Variants in PRKCG observed in about 807,000 individuals in gnomAD.
PRKCG encodes the protein protein kinase C gamma.
A neutral mutation model predicts 82.0 loss-of-function variants in PRKCG; 28 were observed. That is an observed-to-expected ratio of 0.34 (90% confidence interval 0.25 to 0.47). The LOEUF (loss-of-function observed/expected upper bound fraction) is 0.47. PRKCG is among the 20% of genes least tolerant of loss of function. The pLI is 1.00. For missense variants in PRKCG, 640 were observed against 952.7 expected (o/e 0.67, Z 4.32); for synonymous variants, 383 against 376.6 (o/e 1.02, Z -0.20).
chr19:53,901,313 G>A (rs2068761452), intron 14 of PRKCG, among the ~76,000 whole-genome samples: 1 of 152,120 alleles, frequency 6.6e-6, no homozygotes, highest in Non-Finnish European at 1.5e-5. Context: ...GGAGGCTGAG[G>A]CAGGTGGATC....
chr19:53,889,697 C>T lies in PRKCG; in HGVS notation c.345C>T (p.Asp115=), dbSNP rs1426966048. ...LHSYSSPTFC[D]HCGSLLYGLV... ...GCTACAGCAGCCCCACCTTCTGCGA[C>T]CACTGTGGCTCCCTCCTCTACGGGC... The change falls in exon 4 of 18, where the codon GAC becomes GAT. Residue 115 remains aspartate, a synonymous_variant. Coordinates refer to ENST00000263431, the MANE Select transcript of PRKCG (RefSeq NM_002739.5). This position sits in a 1 kb window ranked among gnomAD's most constrained non-coding sequence, Gnocchi z 4.4. 1 of 1,614,096 alleles carries T rather than the reference C, an allele frequency of 6.2e-7. No individual in the cohort carries two copies. Among genetic ancestry groups the T allele is most frequent in the Non-Finnish European group, 8.5e-7 (1 of 1,180,040 alleles).
chr19:53,893,260 A>C lies in PRKCG; in HGVS notation c.910-102A>C, dbSNP rs1195251010. 6 of 1,383,330 alleles carry C rather than the reference A, an allele frequency of 4.3e-6. No homozygotes were observed. In the East Asian group the frequency reaches 6.8e-5, roughly 16 times the overall value. 85.7% of individuals were successfully genotyped at this position (1,383,330 alleles called of 1,614,324 possible). A position where few individuals can be genotyped will look rare whatever the true frequency, so the allele number is the denominator to read the frequency against. On this transcript the variant is annotated intron_variant, in intron 8 of 17. Coordinates refer to ENST00000263431, the MANE Select transcript of PRKCG (RefSeq NM_002739.5). ...GGGTCTGATGGGAATTATAGTTCCT[A>C]TCTATCGCCATGGCTTGAGGGTACT...
rs562461664 is a variant in PRKCG, at chr19:53,893,122, C to A, written c.909+47C>A. 3 of 1,553,826 alleles carry A rather than the reference C, an allele frequency of 1.9e-6. No individual in the cohort carries two copies. The South Asian group carries it at 3.4e-5, about 18-fold the overall frequency. On this transcript the variant is annotated intron_variant, in intron 8 of 17. Coordinates refer to ENST00000263431, the MANE Select transcript of PRKCG (RefSeq NM_002739.5). ...CAAGGGAGCCCAGCCCAGCCTCCCA[C>A]GGTTCAGAGCTGGCCTTTCCTTCCA...
intron 14 of PRKCG, among the ~76,000 whole-genome samples, chr19:53,902,810 C>T (rs1287925595): frequency 2.0e-5 from 3 of 147,150 alleles, no homozygotes; most frequent in Non-Finnish European, 4.4e-5. Context: ...AGAAGAATTA[C>T]CTGAGCCTGG....
Position 53,906,861 on chromosome 19 carries a change from G to C in PRKCG, c.2060G>C (p.Ser687Thr). The C allele has an allele frequency of 6.2e-7, 1 of 1,613,588 alleles. No individual in the cohort carries two copies. The change falls in exon 18 of 18, where the codon AGC (serine) becomes ACC (threonine). Residue 687 changes from serine to threonine, a missense_variant. Ser to Thr is a moderately conservative substitution (Grantham distance 58, BLOSUM62 1). Transcript: ENST00000263431. ...NPDFVHPDAR[S>T]PTSPVPVPVM ...GACTTCGTGCACCCGGATGCCCGCA[G>C]CCCCACCAGCCCAGTGCCTGTGCCC...
At chr19:53,896,838 T>C (rs547698975) in intron 9 of PRKCG, among the ~76,000 whole-genome samples, 22 of 152,336 alleles carry the variant, frequency 1.4e-4, no homozygotes, top group Non-Finnish European at 2.5e-4. Context: ...CACAGATAGA[T>C]GTAAATTACT....
chr19:53,898,069 C>G lies in PRKCG; in HGVS notation c.1050C>G (p.Asp350Glu). The change falls in exon 10 of 18, where the codon GAC (aspartate) becomes GAG (glutamate). Residue 350 changes from aspartate to glutamate, a missense_variant. Coordinates refer to ENST00000263431, the MANE Select transcript of PRKCG (RefSeq NM_002739.5). ...GASPGRLHIS[D>E]FSFLMVLGKG... ...GTCCAGGACGCCTGCACATCTCCGA[C>G]TTCAGCTTCCTCATGGTTCTAGGAA... 2 of 1,614,118 alleles carry G rather than the reference C, an allele frequency of 1.2e-6. No individual in the cohort carries two copies. The highest frequency in any genetic ancestry group is 1.7e-6 in the Non-Finnish European group (2 of 1,180,024).
Position 53,882,316 on chromosome 19 carries a change from C to A in PRKCG, c.-179C>A. On this transcript the variant is annotated 5_prime_UTR_variant, in exon 1 of 18. Coordinates refer to ENST00000263431, the MANE Select transcript of PRKCG (RefSeq NM_002739.5). This position sits in a 1 kb window ranked among gnomAD's most constrained non-coding sequence, Gnocchi z 6.1. ...CCCGCTCCCCCTGGCGGAGCCGGCG[C>A]GCCCGGGGTGCCGCTCCCTGCCTGG... 1 of 899,872 alleles carries A rather than the reference C, an allele frequency of 1.1e-6. No homozygotes were observed. Among genetic ancestry groups the A allele is most frequent in the Non-Finnish European group, 1.7e-6 (1 of 596,826 alleles). 55.7% of individuals were successfully genotyped at this position (899,872 alleles called of 1,614,324 possible).
Position 53,892,911 on chromosome 19 carries a change from C to T in PRKCG, c.822-77C>T. On this transcript the variant is annotated intron_variant, in intron 7 of 17. Coordinates refer to ENST00000263431, the MANE Select transcript of PRKCG (RefSeq NM_002739.5). This position sits in a 1 kb window ranked among gnomAD's most constrained non-coding sequence, Gnocchi z 5.9. Reference sequence around the variant, plus strand: ...GTGTCCGTCTCTCTGTGTCTCTTTCCTCCCTTCCAATGTCTTTGCCTCTCC... The same window carrying T: ...GTGTCCGTCTCTCTGTGTCTCTTTCTTCCCTTCCAATGTCTTTGCCTCTCC... 7.3e-7 allele frequency: 1 copy of T among 1,367,348 alleles called. No individual in the cohort carries two copies. The highest frequency in any genetic ancestry group is 1.0e-6 in the Non-Finnish European group (1 of 965,522). The allele number at this position is 1,367,348 out of a possible 1,614,324, so 84.7% of individuals were successfully genotyped here.
chr19:53,896,777 A>G (rs952056546), intron 9 of PRKCG, among the ~76,000 whole-genome samples: 18 of 152,316 alleles, frequency 1.2e-4, no homozygotes, highest in African/African-American at 3.8e-4. Flanking sequence ...GTCTTAGCGA[A>G]CAAAGCAGAC....
rs185745968 is a variant in PRKCG at position 53,905,339 on chromosome 19, C to A, written c.1764+597C>A. ...TCTACACTTTTGGGCCTTTGTCCAACCCCCCTACCCCCCATCTCTGTCCCC... is the reference window on the plus strand; with the variant it reads ...TCTACACTTTTGGGCCTTTGTCCAAACCCCCTACCCCCCATCTCTGTCCCC... On this transcript the variant is annotated intron_variant, in intron 16 of 17. Transcript: ENST00000263431. 1.4e-3 allele frequency among the ~76,000 whole-genome samples: 210 copies of A among 151,044 alleles called. 1 individual carries two copies. Among genetic ancestry groups the A allele is most frequent in the African/African-American group, 4.9e-3 (199 of 40,824 alleles).
In PRKCG at chr19:53,903,114, G is replaced by A; in HGVS notation, c.1617G>A (p.Trp539Ter). 2 of 1,613,886 alleles carry A rather than the reference G, an allele frequency of 1.2e-6. No individual in the cohort carries two copies. The highest frequency in any genetic ancestry group is 1.7e-6 in the Non-Finnish European group (2 of 1,179,914). The change falls in exon 15 of 18, where the codon TGG (tryptophan) becomes TGA (stop). Residue 539 changes from tryptophan (W) to a stop codon, truncating the protein, a stop_gained. Transcript: ENST00000263431. LOFTEE classifies it high-confidence loss of function. ...CCTATGGGAAGTCTGTCGATTGGTG[G>A]TCCTTTGGAGTTCTGCTGTATGAGA... Reference protein sequence around the residue: ...YQPYGKSVDWWSFGVLLYEML... With the variant: ...YQPYGKSVDW
intron 3 of PRKCG, among the ~76,000 whole-genome samples, chr19:53,887,862 C>G (rs1393951758): frequency 1.3e-5 from 2 of 149,674 alleles, no homozygotes; most frequent in Non-Finnish European, 3.0e-5. Context: ...TAACATGGAT[C>G]AAGATTTGGC....
rs948830173 is a variant in PRKCG at position 53,892,450 on chromosome 19, G to C, written c.687-59G>C. The C allele has an allele frequency of 9.5e-6, 15 of 1,580,770 alleles. No individual in the cohort carries two copies. The highest frequency in any genetic ancestry group is 1.3e-5 in the African/African-American group (1 of 74,366). The stretch of plus-strand genomic sequence containing the variant: ...GCCCCCACCTCCAGCACCAAGGATG[G>C]GGAACCGAGGGGAGCCATGAGCTCG... On this transcript the variant is annotated intron_variant, in intron 6 of 17. Transcript: ENST00000263431. This position sits in a 1 kb window ranked among gnomAD's most constrained non-coding sequence, Gnocchi z 5.9.
Position 53,884,759 on chromosome 19 carries a change from G to A in PRKCG, c.285+516G>A, listed in dbSNP as rs928820047. ...GATGGACAGAGAAACTCCAAGAGAC[G>A]GAGACACAGACACCTGGAGAAAGAG... On this transcript the variant is annotated intron_variant, in intron 3 of 17. Transcript: ENST00000263431. The surrounding 1 kb of genome is among the most constrained non-coding windows in gnomAD (Gnocchi z 4.6). 1.1e-4 allele frequency among the ~76,000 whole-genome samples: 16 copies of A among 152,106 alleles called. No individual in the cohort carries two copies. Among genetic ancestry groups the A allele is most frequent in the African/African-American group, 3.4e-4 (14 of 41,416 alleles).
chr19:53,882,090 C>T, upstream of PRKCG: 2 of 280,908 alleles, frequency 7.1e-6, no homozygotes, highest in Non-Finnish European at 1.4e-5. The surrounding 1 kb of genome is among the most constrained non-coding windows in gnomAD (Gnocchi z 6.1). Flanking sequence ...GTGTGGGGGG[C>T]GGGGAGGGAG....
rs377280935 is a variant in PRKCG at position 53,900,768 on chromosome 19, C to T, written c.1575+19C>T. 2 of 1,613,974 alleles carry T rather than the reference C, an allele frequency of 1.2e-6. No homozygotes were observed. Among genetic ancestry groups the T allele is most frequent in the African/African-American group, 2.7e-5 (2 of 74,942 alleles). On this transcript the variant is annotated intron_variant, in intron 14 of 17. Transcript: ENST00000263431. This position sits in a 1 kb window ranked among gnomAD's most constrained non-coding sequence, Gnocchi z 4.2. ...CCCGGAGGTAACCCCAACCCTGCTG[C>T]TCTGGTCACGCTTTGAGATCCCTTA...
In PRKCG at chr19:53,900,095, C is replaced by G; in HGVS notation, c.1282-138C>G. The G allele has an allele frequency of 1.2e-6, 1 of 811,418 alleles. No individual in the cohort carries two copies. The highest frequency in any genetic ancestry group is 2.1e-6 in the Non-Finnish European group (1 of 475,094). The allele number at this position is 811,418 out of a possible 1,614,324, so 50.3% of individuals were successfully genotyped here. On this transcript the variant is annotated intron_variant, in intron 11 of 17. Coordinates refer to ENST00000263431, the MANE Select transcript of PRKCG (RefSeq NM_002739.5). The surrounding 1 kb of genome is among the most constrained non-coding windows in gnomAD (Gnocchi z 4.2). ...CAGGATTAGCACCTTAGGGCCCTCC[C>G]AGGGATGTGGCTAGGTGCTCTGAAT...
At chr19:53,905,751 T>C in intron 16 of PRKCG, among the ~76,000 whole-genome samples, 1 of 92,640 alleles carries the variant, frequency 1.1e-5, no homozygotes, top group Non-Finnish European at 2.1e-5. Context: ...CCCCTACCCT[T>C]CCCTCTCCCC....
Sources: allele counts gnomAD v4.1 joint callset (sites outside exome capture counted in the v4.1 genomes callset), GRCh38; gene constraint gnomAD v4.1.1; non-coding constraint Gnocchi (gnomAD v3.1); transcripts MANE v1.5; gene names NCBI Gene and HGNC (gene_info 2026-07-23, HGNC 2026-07-21).